Variants in HCN1 observed in about 807,000 individuals in gnomAD.
The protein encoded by HCN1 is hyperpolarization activated cyclic nucleotide gated potassium channel 1, also known as potassium/sodium hyperpolarization-activated cyclic nucleotide-gated channel 1.
HCN1 carries 13 observed loss-of-function variants against 78.9 expected under a neutral mutation model. That is an observed-to-expected ratio of 0.16 (90% CI 0.11 to 0.26). The LOEUF is 0.26. HCN1 is among the 10% of genes least tolerant of loss of function. HCN1 has a pLI of 1.00. For missense variants in HCN1, 810 were observed against 1,154.3 expected, an observed-to-expected ratio of 0.70 and a Z score of 4.32; for synonymous variants, 552 against 455.5, an observed-to-expected ratio of 1.21 and a Z score of -2.70.
At chr5:45,610,412 T>C (rs763432982) in intron 2 of HCN1, among the ~76,000 whole-genome samples, 4 of 151,784 alleles carry the variant, frequency 2.6e-5, no homozygotes, top group Admixed American at 2.0e-4. Context: ...AATACTGTTG[T>C]CTGAAATGAA....
intron 1 of HCN1, among the ~76,000 whole-genome samples, chr5:45,664,437 C>A (rs1191595991): frequency 7.0e-6 from 1 of 143,858 alleles, no homozygotes; most frequent in Non-Finnish European, 1.5e-5. Context: ...TGCACATGTA[C>A]CCTAAAACTT....
intron 6 of HCN1, among the ~76,000 whole-genome samples, chr5:45,291,912 T>G (rs899223553): frequency 1.3e-5 from 2 of 152,108 alleles, no homozygotes; most frequent in Admixed American, 6.6e-5. Context: ...AAATATTATT[T>G]GAAATTATTT....
At chr5:45,534,477 G>T (rs1013378350) in intron 2 of HCN1, among the ~76,000 whole-genome samples, 3 of 138,514 alleles carry the variant, frequency 2.2e-5, no homozygotes, top group Non-Finnish European at 4.5e-5. Context: ...GGTTTGCTGT[G>T]AGACCATTTC....
At chr5:45,489,056 A>C (rs558453507) in intron 2 of HCN1, among the ~76,000 whole-genome samples, 33 of 152,306 alleles carry the variant, frequency 2.2e-4, no homozygotes, top group African/African-American at 5.3e-4. Context: ...CAGACAGGTA[A>C]GGCCTCAAGA....
At chr5:45,669,171 G>C (rs541129550) in intron 1 of HCN1, among the ~76,000 whole-genome samples, 1 of 151,956 alleles carries the variant, frequency 6.6e-6, no homozygotes, top group South Asian at 2.1e-4. Flanking sequence ...GAAATTGAGA[G>C]AGTTAGAGCA....
At chr5:45,383,619 A>G (rs1747856353) in intron 4 of HCN1, among the ~76,000 whole-genome samples, 1 of 152,032 alleles carries the variant, frequency 6.6e-6, no homozygotes, top group Non-Finnish European at 1.5e-5. Flanking sequence ...GCTTGAACTC[A>G]GGAGGCAGAG....
Position 45,341,355 on chromosome 5 carries a change from C to T in HCN1, c.1377+11745G>A, listed in dbSNP as rs138538862. On this transcript the variant is annotated intron_variant, in intron 5 of 7. Transcript: ENST00000303230. ...AATTGCTCAGCTTTCACAATTCTGA[C>T]TCAAAAATTAAACTTAAGCAAACTT... Among the ~76,000 whole-genome samples, 236 of 152,314 alleles carry T rather than the reference C, an allele frequency of 1.5e-3. 2 individuals are homozygous for T. Among genetic ancestry groups the T allele is most frequent in the African/African-American group, 5.3e-3 (220 of 41,570 alleles).
chr5:45,533,426 T>A (rs1036508521), intron 2 of HCN1, among the ~76,000 whole-genome samples: 14 of 152,178 alleles, frequency 9.2e-5, no homozygotes, highest in African/African-American at 2.9e-4. Flanking sequence ...CTGCTTTGTG[T>A]CACCGCCACT....
intron 2 of HCN1, among the ~76,000 whole-genome samples, chr5:45,606,121 A>G (rs1187804221): frequency 6.6e-6 from 1 of 152,054 alleles, no homozygotes; most frequent in East Asian, 1.9e-4. Context: ...CAAGAACACC[A>G]TGACTCTTAT....
intron 2 of HCN1, among the ~76,000 whole-genome samples, chr5:45,498,328 C>T (rs1742096306): frequency 2.0e-5 from 3 of 152,178 alleles, no homozygotes; most frequent in East Asian, 1.9e-4. Context: ...CGCTTCATTT[C>T]ATTCATTTCA....
At chr5:45,340,763 A>T (rs1473469204) in intron 5 of HCN1, among the ~76,000 whole-genome samples, 4 of 152,214 alleles carry the variant, frequency 2.6e-5, no homozygotes, top group African/African-American at 9.6e-5. Context: ...ACTTGTAGAA[A>T]CTTCTTACAA....
intron 2 of HCN1, among the ~76,000 whole-genome samples, chr5:45,506,998 T>TAA (rs1742318721): frequency 6.6e-6 from 1 of 152,124 alleles, no homozygotes. Context: ...TGTATACTGT[T>TAA]AATAATAAGA....
chr5:45,321,744 T>C (rs1348650610), intron 5 of HCN1, among the ~76,000 whole-genome samples: 2 of 151,842 alleles, frequency 1.3e-5, no homozygotes, highest in Non-Finnish European at 2.9e-5. Context: ...ACGTTTACTG[T>C]TGTGGGATTA....
intron 5 of HCN1, among the ~76,000 whole-genome samples, chr5:45,319,723 GA>G (rs1281424356): frequency 2.6e-4 from 39 of 150,170 alleles, no homozygotes; most frequent in Non-Finnish European, 4.4e-4. Context: ...AGAACTTCCA[GA>G]AAAAAAATGA....
intron 2 of HCN1, among the ~76,000 whole-genome samples, chr5:45,556,691 C>T (rs927814230): frequency 6.6e-6 from 1 of 151,930 alleles, no homozygotes; most frequent in Admixed American, 6.6e-5. Flanking sequence ...TTGCCTCTTA[C>T]TGCTTTCAAA....
In HCN1 at chr5:45,310,938, T is replaced by G. The variant is rs745572344; in HGVS notation, c.1378-7099A>C. 2.8e-4 allele frequency among the ~76,000 whole-genome samples: 43 copies of G among 152,162 alleles called. 1 individual carries two copies. Among genetic ancestry groups the G allele is most frequent in the Non-Finnish European group, 5.4e-4 (37 of 68,042 alleles). On this transcript the variant is annotated intron_variant, in intron 5 of 7. Transcript: ENST00000303230. ...ATAGAAAACCAAAAGCCTCATGTTC[T>G]CACTTACAAGTGGTTGCTAACTGAT...
rs113931392 is a variant in HCN1, at chr5:45,531,255, C to T, written c.850-69248G>A. Among the ~76,000 whole-genome samples, 982 of 152,210 alleles carry T rather than the reference C, an allele frequency of 6.5e-3. 5 individuals carry two copies. Among genetic ancestry groups the T allele is most frequent in the African/African-American group, 0.023 (949 of 41,542 alleles). ...TCCCTTTGAACTGGCACTGTTATTG[C>T]TACTTCTTAAATGTTTCTCTAATTT... On this transcript the variant is annotated intron_variant, in intron 2 of 7. Transcript: ENST00000303230.
At chr5:45,518,493 G>C (rs1742554712) in intron 2 of HCN1, among the ~76,000 whole-genome samples, 1 of 151,958 alleles carries the variant, frequency 6.6e-6, no homozygotes, top group South Asian at 2.1e-4. Context: ...GTCTGAGTAA[G>C]ATAAGCAGAA....
chr5:45,362,715 T>A (rs1268764067), intron 4 of HCN1, among the ~76,000 whole-genome samples: 1 of 152,112 alleles, frequency 6.6e-6, no homozygotes, highest in African/African-American at 2.4e-5. Context: ...GCACAGAGAA[T>A]TTAAATAACT....
Sources: allele counts gnomAD v4.1 joint callset (sites outside exome capture counted in the v4.1 genomes callset), GRCh38; gene constraint gnomAD v4.1.1; transcripts MANE v1.5; gene names NCBI Gene and HGNC (gene_info 2026-07-23, HGNC 2026-07-21).